TNS1: variants seen among roughly 807,000 people sequenced by gnomAD.
TNS1 encodes tensin-1.
TNS1 carries 62 observed loss-of-function variants against 168.6 expected under a neutral mutation model. That is an observed-to-expected ratio of 0.37 (90% CI 0.30 to 0.45). The LOEUF is 0.45. Ranked by LOEUF, TNS1 falls within the 20% of genes least tolerant of loss-of-function variation. The pLI, the probability that TNS1 is intolerant of heterozygous loss-of-function variation, is 1.00. For missense variants in TNS1, 2,240 were observed against 2,339.4 expected (o/e 0.96, Z 0.88); for synonymous variants, 934 against 933.2 (o/e 1.00, Z -0.02).
chr2:217,982,400 CT>C (rs59697675), intron 2 of TNS1, among the ~76,000 whole-genome samples: 17,057 of 135,886 alleles, frequency 0.13, 1,029 homozygotes, highest in African/African-American at 0.17. Flanking sequence ...TTCTTCTTTT[CT>C]TTTTTTTTTT....
At position 217,847,934 on chromosome 2, in the gene TNS1, C is replaced by T. The variant is rs375086981; in HGVS notation, c.2583G>A (p.Gly861=). 117 of 1,517,838 alleles carry T rather than the reference C, an allele frequency of 7.7e-5. No individual in the cohort carries two copies. The African/African-American group carries it at 1.5e-3, about 19-fold the overall frequency. The allele number at this position is 1,517,838 out of a possible 1,614,324, so 94.0% of individuals were successfully genotyped here. A position where few individuals can be genotyped will look rare whatever the true frequency, so the allele number is the denominator to read the frequency against. Residue 861 remains glycine (G), a synonymous_variant, in exon 19 of 33, where the codon GGG becomes GGA. Coordinates refer to ENST00000682258, the MANE Select transcript of TNS1 (RefSeq NM_001387777.1). ...AGAGTGGAGAAGCCCCTGGCCAGGC[C>T]CCGGGGACACTCTGGGACTTGTGTA... ...APLHKSQSVP[G]AWPGASPLSS...
intron 3 of TNS1, among the ~76,000 whole-genome samples, chr2:217,968,583 A>C (rs1221110108): frequency 6.6e-6 from 1 of 152,224 alleles, no homozygotes; most frequent in Non-Finnish European, 1.5e-5. Flanking sequence ...AGAAGTAAAA[A>C]ATATATACTC....
chr2:217,821,510 G>A (rs958294524), intron 23 of TNS1, among the ~76,000 whole-genome samples: 13 of 152,148 alleles, frequency 8.5e-5, no homozygotes, highest in African/African-American at 2.7e-4. Flanking sequence ...TTGGATGGGC[G>A]GAATTGAATG....
intron 3 of TNS1, among the ~76,000 whole-genome samples, chr2:217,958,181 A>G (rs1044422981): frequency 6.6e-6 from 1 of 152,346 alleles, no homozygotes; most frequent in South Asian, 2.1e-4. Flanking sequence ...TCTATCACTT[A>G]GAATACATAA....
intron 18 of TNS1, among the ~76,000 whole-genome samples, chr2:217,860,003 C>T (rs2125530185): frequency 6.6e-6 from 1 of 152,336 alleles, no homozygotes; most frequent in East Asian, 1.9e-4. Flanking sequence ...CCAGTGGGAG[C>T]TTCAGCGACT....
At chr2:217,955,365 T>C (rs1251909032) in intron 3 of TNS1, among the ~76,000 whole-genome samples, 1 of 152,140 alleles carries the variant, frequency 6.6e-6, no homozygotes, top group Non-Finnish European at 1.5e-5. Flanking sequence ...CTCAGAGACA[T>C]CCACGCAGGG....
At position 217,826,089 on chromosome 2, in the gene TNS1, C is replaced by T. The variant is rs75293817; in HGVS notation, c.3374-4151G>A. 1.1e-3 allele frequency among the ~76,000 whole-genome samples: 164 copies of T among 152,310 alleles called. No homozygotes were observed. In the East Asian group the frequency reaches 0.023, roughly 22 times the overall value. On this transcript the variant is annotated intron_variant, in intron 22 of 32. Coordinates refer to ENST00000682258, the MANE Select transcript of TNS1 (RefSeq NM_001387777.1). ...CCCACCTCCTTTCTCCTTCCCAGTG[C>T]ATCCTCTTCCTTGGTCAGCTGGTCT...
chr2:217,831,558 A>C lies in TNS1; in HGVS notation c.3281-11T>G. 1 of 1,482,292 alleles carries C rather than the reference A, an allele frequency of 6.7e-7. No homozygotes were observed. Among genetic ancestry groups the C allele is most frequent in the Non-Finnish European group, 8.9e-7 (1 of 1,119,302 alleles). 91.8% of individuals were successfully genotyped at this position (1,482,292 alleles called of 1,614,324 possible). On this transcript the variant is annotated splice_polypyrimidine_tract_variant and intron_variant, in intron 21 of 32. Coordinates refer to ENST00000682258, the MANE Select transcript of TNS1 (RefSeq NM_001387777.1). ...CCGGGGGGGACCGCACTGTGCCAGGAAGAAGAGGGGAGACACAGGGAGTGA... is the reference window on the plus strand; with the variant it reads ...CCGGGGGGGACCGCACTGTGCCAGGCAGAAGAGGGGAGACACAGGGAGTGA...
intron 18 of TNS1, among the ~76,000 whole-genome samples, chr2:217,872,105 A>C (rs571046097): frequency 6.6e-6 from 1 of 152,232 alleles, no homozygotes; most frequent in South Asian, 2.1e-4. Flanking sequence ...TTCCTCATCT[A>C]TCAAATGGGA....
At chr2:218,009,400 TAC>T (rs1399096631) in intron 1 of TNS1, among the ~76,000 whole-genome samples, 1 of 151,184 alleles carries the variant, frequency 6.6e-6, no homozygotes, top group Admixed American at 6.6e-5. Context: ...ATACACACGT[TAC>T]ACACACGCTG....
At chr2:217,941,245 C>T (rs955513880) in intron 3 of TNS1, among the ~76,000 whole-genome samples, 1 of 152,210 alleles carries the variant, frequency 6.6e-6, no homozygotes, top group South Asian at 2.1e-4. Flanking sequence ...AGCACCCACC[C>T]CCGGTCCTTG....
intron 1 of TNS1, chr2:217,992,501 C>T (rs1426709471): frequency 6.6e-6 from 1 of 152,202 alleles, no homozygotes; most frequent in Non-Finnish European, 1.5e-5. Flanking sequence ...GTCTAGGACT[C>T]CTATCTGAAG....
chr2:218,023,363 G>A (rs902306705), intron 1 of TNS1, among the ~76,000 whole-genome samples: 2 of 152,146 alleles, frequency 1.3e-5, no homozygotes, highest in African/African-American at 2.4e-5. Flanking sequence ...TAATTATGCC[G>A]GCTCAGGTCC....
intron 5 of TNS1, 86 bp from the exon 6 acceptor site, chr2:217,906,471 TGAG>T (rs1953721329): frequency 2.9e-6 from 2 of 694,826 alleles, no homozygotes; most frequent in East Asian, 2.7e-5. Context: ...GAGCGGCAGA[TGAG>T]GAGGTTGGCA....
chr2:217,974,369 T>C (rs1957841508), intron 3 of TNS1, among the ~76,000 whole-genome samples: 1 of 152,228 alleles, frequency 6.6e-6, no homozygotes, highest in African/African-American at 2.4e-5. Flanking sequence ...ATTTTGCTGC[T>C]ACTTCTTTCC....
chr2:217,978,734 C>A, intron 3 of TNS1, 31 bp downstream of exon 3: 1 of 701,898 alleles, frequency 1.4e-6, no homozygotes, highest in South Asian at 1.5e-5. Flanking sequence ...GTCCCAAGTC[C>A]TCCCGGGCCC....
chr2:217,902,888 C>A (rs1375420726), intron 6 of TNS1, among the ~76,000 whole-genome samples: 1 of 152,180 alleles, frequency 6.6e-6, no homozygotes, highest in Non-Finnish European at 1.5e-5. Flanking sequence ...GCACGTGACC[C>A]TTGCTGGCGG....
intron 17 of TNS1, chr2:217,881,785 C>T (rs1489554236): frequency 1.3e-5 from 2 of 152,286 alleles, no homozygotes; most frequent in African/African-American, 4.8e-5. Flanking sequence ...AGCATAGCTC[C>T]TAGTCAAGTC....
At chr2:217,993,326 A>G (rs1437287748) in intron 1 of TNS1, among the ~76,000 whole-genome samples, 1 of 152,200 alleles carries the variant, frequency 6.6e-6, no homozygotes, top group Non-Finnish European at 1.5e-5. Flanking sequence ...CCCACATTAT[A>G]CTTAGAAATT....
Sources: allele counts gnomAD v4.1 joint callset (sites outside exome capture counted in the v4.1 genomes callset), GRCh38; gene constraint gnomAD v4.1.1; transcripts MANE v1.5; gene names NCBI Gene and HGNC (gene_info 2026-07-23, HGNC 2026-07-21).